The following CNTN1 variants were observed in gnomAD, a reference collection of about 807,000 sequenced individuals.
CNTN1 encodes contactin-1.
CNTN1 carries 38 observed loss-of-function variants against 126.4 expected under a neutral mutation model. The ratio of observed to expected loss-of-function variants is 0.30; its 90% CI spans 0.23 to 0.39. CNTN1 has a LOEUF of 0.39. Ranked by LOEUF, CNTN1 falls within the 10% of genes least tolerant of loss-of-function variation. CNTN1 has a pLI of 1.00. For missense variants in CNTN1, 1,009 were observed against 1,248.4 expected (o/e 0.81, Z 2.89); for synonymous variants, 413 against 422.6 (o/e 0.98, Z 0.28).
At chr12:41,010,206 G>A (rs1948610036) in intron 17 of CNTN1, among the ~76,000 whole-genome samples, 1 of 152,032 alleles carries the variant, frequency 6.6e-6, no homozygotes, top group Non-Finnish European at 1.5e-5. Flanking sequence ...GTTGGTTTGA[G>A]CCACTGGAGC....
chr12:40,838,461 C>A (rs10784901), intron 1 of CNTN1, among the ~76,000 whole-genome samples: 80,511 of 152,028 alleles, frequency 0.53, 21,943 homozygotes, highest in East Asian at 0.77. Context: ...AGCAAGACAT[C>A]TGGAGTTTCA....
chr12:40,861,238 C>T (rs1036772871), intron 1 of CNTN1, among the ~76,000 whole-genome samples: 37 of 152,006 alleles, frequency 2.4e-4, no homozygotes, highest in Non-Finnish European at 7.4e-5. Context: ...TTTCTGCAGA[C>T]TTAAGTGTTT....
intron 14 of CNTN1, among the ~76,000 whole-genome samples, chr12:40,950,809 T>C (rs1946645633): frequency 6.6e-6 from 1 of 152,130 alleles, no homozygotes; most frequent in African/African-American, 2.4e-5. Context: ...TTTAAGATCA[T>C]CACACTTCCC....
rs572071256 is a variant in CNTN1 at position 40,705,092 on chromosome 12, C to CT, written c.-77+12505dup. Among the ~76,000 whole-genome samples the CT allele has an allele frequency of 3.5e-3, 537 of 152,246 alleles. 1 individual carries two copies. Among genetic ancestry groups the CT allele is most frequent in the African/African-American group, 0.012 (500 of 41,540 alleles). Reference sequence around the variant, plus strand: ...TTTGTTTCCTCTTTACTTTCTGTCTCTTTTTAGTGCCTTCATTGTTCAGGG... The same window carrying CT: ...TTTGTTTCCTCTTTACTTTCTGTCTCTTTTTTAGTGCCTTCATTGTTCAGGG... On this transcript the variant is annotated intron_variant, in intron 1 of 23. Coordinates refer to ENST00000551295, the MANE Select transcript of CNTN1 (RefSeq NM_001843.4).
chr12:41,026,926 A>G (rs1415964057), intron 21 of CNTN1, among the ~76,000 whole-genome samples: 2 of 152,096 alleles, frequency 1.3e-5, no homozygotes, highest in Non-Finnish European at 2.9e-5. Context: ...ATGGAGACAG[A>G]AGTGGAAAGT....
intron 1 of CNTN1, among the ~76,000 whole-genome samples, chr12:40,869,759 C>A (rs1943423367): frequency 6.6e-6 from 1 of 152,050 alleles, no homozygotes; most frequent in Admixed American, 6.6e-5. Flanking sequence ...CACAAATGAA[C>A]TATTAGAACC....
chr12:40,721,308 A>G (rs1942204078), intron 1 of CNTN1, among the ~76,000 whole-genome samples: 3 of 152,094 alleles, frequency 2.0e-5, no homozygotes, highest in Non-Finnish European at 1.5e-5. Context: ...AGCTACATGG[A>G]TGATGACTAT....
intron 1 of CNTN1, among the ~76,000 whole-genome samples, chr12:40,696,147 A>G (rs1403401553): frequency 1.3e-5 from 2 of 152,236 alleles, no homozygotes; most frequent in African/African-American, 4.8e-5. Context: ...AAGAATAGCT[A>G]TTAATAATAG....
intron 1 of CNTN1, among the ~76,000 whole-genome samples, chr12:40,814,305 T>C (rs941731321): frequency 6.6e-6 from 1 of 152,272 alleles, no homozygotes. Context: ...ACCTAGGTTT[T>C]CTTCTAGGGT....
intron 23 of CNTN1, among the ~76,000 whole-genome samples, chr12:41,030,697 GTTAAAT>G (rs1283478148): frequency 6.6e-6 from 1 of 151,636 alleles, no homozygotes; most frequent in African/African-American, 2.4e-5. Flanking sequence ...CTTTCTTCTG[GTTAAAT>G]TTAAGACAAA....
intron 14 of CNTN1, among the ~76,000 whole-genome samples, chr12:40,946,030 T>C (rs7306511): frequency 0.68 from 102,779 of 151,684 alleles, 35,268 homozygotes; most frequent in African/African-American, 0.79. Flanking sequence ...ATGTTTAGCA[T>C]GTCATAGATG....
intron 12 of CNTN1, among the ~76,000 whole-genome samples, chr12:40,940,906 A>C (rs1160548797): frequency 6.6e-6 from 1 of 152,230 alleles, no homozygotes; most frequent in Non-Finnish European, 1.5e-5. Context: ...ATCAAAGGGC[A>C]GCTACATGTG....
chr12:41,017,191 C>G (rs991022660), intron 19 of CNTN1, among the ~76,000 whole-genome samples: 3 of 151,710 alleles, frequency 2.0e-5, no homozygotes, highest in African/African-American at 7.3e-5. Flanking sequence ...TTTTTGGGCT[C>G]TTGATTATAA....
intron 12 of CNTN1, among the ~76,000 whole-genome samples, chr12:40,941,573 G>T (rs1946265466): frequency 6.6e-6 from 1 of 151,936 alleles, no homozygotes. Context: ...TTTATTTTTG[G>T]CTCAAATGAT....
chr12:40,796,556 AAAG>A (rs1173714082), intron 1 of CNTN1, among the ~76,000 whole-genome samples: 2 of 152,112 alleles, frequency 1.3e-5, no homozygotes, highest in Non-Finnish European at 2.9e-5. Context: ...CAGGGCTGAC[AAAG>A]AAGAGTGCCC....
chr12:40,724,576 GT>G (rs2121231770), intron 1 of CNTN1, among the ~76,000 whole-genome samples: 1 of 152,218 alleles, frequency 6.6e-6, no homozygotes, highest in South Asian at 2.1e-4. Flanking sequence ...AGATACATAA[GT>G]TTTTTGGAAG....
At chr12:40,912,475 T>C (rs767676056) in intron 3 of CNTN1, among the ~76,000 whole-genome samples, 5 of 152,022 alleles carry the variant, frequency 3.3e-5, no homozygotes, top group South Asian at 4.1e-4. Flanking sequence ...TAAGTATCTT[T>C]CATTCCTTTG....
chr12:40,729,487 A>G lies in CNTN1; in HGVS notation c.-77+36895A>G, dbSNP rs144031956. On this transcript the variant is annotated intron_variant, in intron 1 of 23. Coordinates refer to ENST00000551295, the MANE Select transcript of CNTN1 (RefSeq NM_001843.4). ...TTATTGGCAGTGTGGATGAGGATGC[A>G]CGGAAATTTGTTCAGACCACGTATG... 243 of 198,310 alleles carry G rather than the reference A, an allele frequency of 1.2e-3. 1 individual carries two copies. Among genetic ancestry groups the G allele is most frequent in the Non-Finnish European group, 2.3e-3 (202 of 88,558 alleles). 12.3% of individuals were successfully genotyped at this position (198,310 alleles called of 1,614,324 possible).
chr12:40,756,077 C>G (rs1402425382), intron 1 of CNTN1, among the ~76,000 whole-genome samples: 5 of 152,056 alleles, frequency 3.3e-5, no homozygotes, highest in Non-Finnish European at 5.9e-5. Flanking sequence ...CTGATTTTAA[C>G]TAGGGTTGGA....
Sources: gnomAD v4.1 joint callset for allele counts (sites outside exome capture counted in the v4.1 genomes callset) on GRCh38, gnomAD v4.1.1 for gene constraint, MANE v1.5 for transcripts, NCBI Gene and HGNC (gene_info 2026-07-23, HGNC 2026-07-21) for gene names.